Variants in GSE1 observed in about 807,000 individuals in gnomAD.
GSE1 encodes Gse1 coiled-coil protein.
In GSE1, 32 loss-of-function variants were observed where a neutral mutation model predicts 112.6. The ratio of observed to expected loss-of-function variants is 0.28; its 90% CI spans 0.21 to 0.38. The LOEUF (loss-of-function observed/expected upper bound fraction) is 0.38. Ranked by LOEUF, GSE1 falls within the 10% of genes least tolerant of loss-of-function variation. The pLI, the probability that GSE1 is intolerant of heterozygous loss-of-function variation, is 1.00. For synonymous variants in GSE1, 1,115 were observed against 735.6 expected, an observed-to-expected ratio of 1.52 and a Z score of -8.35; for missense variants, 2,348 against 1,699.2, an observed-to-expected ratio of 1.38 and a Z score of -6.71.
At chr16:85,648,505 G>T in intron 2 of GSE1, 47 bp from the exon 3 acceptor site, 1 of 994,160 alleles carries the variant, frequency 1.0e-6, no homozygotes. Context: ...CACTGCACGT[G>T]GCTGTCACTG....
At chr16:85,540,861 T>C (rs3934757) in intron 2 of GSE1, among the ~76,000 whole-genome samples, 40,199 of 152,114 alleles carry the variant, frequency 0.26, 5,710 homozygotes, top group Middle Eastern at 0.42. Flanking sequence ...GAGCTGTGAT[T>C]GCACCACTGC....
chr16:85,404,614 G>C (rs145043338), intron 2 of GSE1, among the ~76,000 whole-genome samples: 1 of 43,494 alleles, frequency 2.3e-5, no homozygotes, highest in Admixed American at 2.9e-4. Context: ...AATCCTCACC[G>C]TTACACTCAG....
At chr16:85,633,816 C>A (rs995697166) in intron 1 of GSE1, 98 bp from the exon 2 acceptor site, 2 of 901,690 alleles carry the variant, frequency 2.2e-6, no homozygotes, top group Admixed American at 2.1e-5. Context: ...GCCCCTGCTC[C>A]CTGCCTGCTG....
intron 2 of GSE1, among the ~76,000 whole-genome samples, chr16:85,525,600 G>T (rs1159694515): frequency 1.3e-5 from 2 of 152,222 alleles, no homozygotes; most frequent in East Asian, 3.8e-4. Context: ...ACATGCCTGA[G>T]GACCAGTTAA....
At chr16:85,392,165 C>T (rs532195874) in intron 2 of GSE1, among the ~76,000 whole-genome samples, 60 of 152,146 alleles carry the variant, frequency 3.9e-4, no homozygotes, top group African/African-American at 1.4e-3. Flanking sequence ...TCTTGAGGAA[C>T]CCAAATGAAG....
intron 2 of GSE1, among the ~76,000 whole-genome samples, chr16:85,411,013 G>GC (rs1459529510): frequency 1.6e-5 from 1 of 62,824 alleles, no homozygotes; most frequent in Non-Finnish European, 2.7e-5. Flanking sequence ...TACACTCAGA[G>GC]CCCCCCTGGA....
intron 2 of GSE1, among the ~76,000 whole-genome samples, chr16:85,502,767 G>T (rs1348447024): frequency 6.6e-6 from 1 of 152,236 alleles, no homozygotes; most frequent in East Asian, 1.9e-4. Context: ...GAGCCGGGAA[G>T]GACTGCGTTT....
intron 5 of GSE1, among the ~76,000 whole-genome samples, chr16:85,655,343 G>T (rs1452135360): frequency 6.6e-6 from 1 of 152,108 alleles, no homozygotes; most frequent in Non-Finnish European, 1.5e-5. Flanking sequence ...CTGTGGTCTG[G>T]CCTGGGTCCG....
At chr16:85,671,144 G>C in intron 15 of GSE1, 46 bp downstream of exon 15, 2 of 1,144,554 alleles carry the variant, frequency 1.7e-6, no homozygotes, top group Non-Finnish European at 2.6e-6. Context: ...AACCTTTTGA[G>C]TTTGGGTTCA....
intron 1 of GSE1, among the ~76,000 whole-genome samples, chr16:85,232,636 C>T (rs1904299254): frequency 6.6e-6 from 1 of 152,198 alleles, no homozygotes; most frequent in South Asian, 2.1e-4. Flanking sequence ...GAGGTGGCTT[C>T]CCCTCCCATC....
chr16:85,349,049 G>T (rs1446851598), intron 1 of GSE1, among the ~76,000 whole-genome samples: 1 of 152,164 alleles, frequency 6.6e-6, no homozygotes, highest in African/African-American at 2.4e-5. Context: ...TCTCCCGCGC[G>T]ATCTGCCGTG....
intron 2 of GSE1, among the ~76,000 whole-genome samples, chr16:85,464,023 G>A (rs2050054063): frequency 6.6e-6 from 1 of 152,100 alleles, no homozygotes; most frequent in African/African-American, 2.4e-5. Flanking sequence ...CCTGACCTTC[G>A]GGCCCCTTAC....
chr16:85,340,185 A>G (rs1197217732), intron 1 of GSE1, among the ~76,000 whole-genome samples: 1 of 151,994 alleles, frequency 6.6e-6, no homozygotes, highest in Non-Finnish European at 1.5e-5. Context: ...CCATCTATAC[A>G]AAATATAGAA....
intron 1 of GSE1, among the ~76,000 whole-genome samples, chr16:85,227,347 T>C (rs1270707448): frequency 1.3e-5 from 2 of 152,238 alleles, no homozygotes; most frequent in Non-Finnish European, 2.9e-5. Flanking sequence ...CACGCAGGCC[T>C]CTTCTCACGG....
chr16:85,486,648 C>T (rs1228000288), intron 2 of GSE1, among the ~76,000 whole-genome samples: 4 of 152,230 alleles, frequency 2.6e-5, no homozygotes, highest in Admixed American at 6.5e-5. Flanking sequence ...CCTCGTCCCA[C>T]TCCTGCCCTG....
intron 1 of GSE1, among the ~76,000 whole-genome samples, chr16:85,213,508 C>A (rs751565303): frequency 2.0e-5 from 3 of 152,194 alleles, no homozygotes; most frequent in African/African-American, 7.2e-5. Context: ...GTGCAAAGGA[C>A]CTCCCTGTGT....
intron 1 of GSE1, among the ~76,000 whole-genome samples, chr16:85,272,710 C>A (rs1908962766): frequency 6.6e-6 from 1 of 151,818 alleles, no homozygotes; most frequent in Non-Finnish European, 1.5e-5. Context: ...CTGAAGCTGT[C>A]CTTGCAAGGG....
chr16:85,597,128 G>A (rs924138726), intron 1 of GSE1, among the ~76,000 whole-genome samples: 1 of 151,266 alleles, frequency 6.6e-6, no homozygotes, highest in Non-Finnish European at 1.5e-5. Context: ...CCAGGCGCCC[G>A]CCACCATGCC....
chr16:85,468,397 A>G (rs1393357681), intron 2 of GSE1, among the ~76,000 whole-genome samples: 3 of 146,090 alleles, frequency 2.1e-5, no homozygotes, highest in East Asian at 4.0e-4. Flanking sequence ...ACTCACTGCA[A>G]CCTCCACCTC....
Sources: gnomAD v4.1 joint callset for allele counts (sites outside exome capture counted in the v4.1 genomes callset) on GRCh38, gnomAD v4.1.1 for gene constraint, MANE v1.5 for transcripts, NCBI Gene and HGNC (gene_info 2026-07-23, HGNC 2026-07-21) for gene names.